CNOT2: variants seen among roughly 807,000 people sequenced by gnomAD.
CNOT2 encodes CC chemokine receptor 4-negative regulator of transcription 2.
In CNOT2, 7 loss-of-function variants were observed where a neutral mutation model predicts 72.1. The observed-to-expected ratio is 0.10, with a 90% CI of 0.06 to 0.18. The LOEUF is 0.18. Ranked by LOEUF, CNOT2 falls within the 10% of genes least tolerant of loss-of-function variation. The pLI is 1.00. For synonymous variants in CNOT2, 196 were observed against 225.6 expected, an observed-to-expected ratio of 0.87 and a Z score of 1.17; for missense variants, 345 against 660.3, an observed-to-expected ratio of 0.52 and a Z score of 5.23.
At chr12:70,277,923 G>A (rs1869128001) in intron 1 of CNOT2, among the ~76,000 whole-genome samples, 1 of 152,160 alleles carries the variant, frequency 6.6e-6, no homozygotes, top group Admixed American at 6.5e-5. Context: ...GAAAGTAGAA[G>A]TGGGTAGGAA....
At chr12:70,261,370 A>G (rs1958749205) in intron 1 of CNOT2, among the ~76,000 whole-genome samples, 1 of 118,006 alleles carries the variant, frequency 8.5e-6, no homozygotes, top group African/African-American at 3.3e-5. Context: ...GCTGGAGTGC[A>G]GTGGCATGAT....
intron 1 of CNOT2, among the ~76,000 whole-genome samples, chr12:70,253,317 T>G (rs1246172890): frequency 6.6e-6 from 1 of 152,190 alleles, no homozygotes; most frequent in Non-Finnish European, 1.5e-5. Flanking sequence ...TTTTCTTCCC[T>G]TAAGTGTATT....
chr12:70,261,824 T>C (rs953306382), intron 1 of CNOT2, among the ~76,000 whole-genome samples: 1 of 151,734 alleles, frequency 6.6e-6, no homozygotes, highest in African/African-American at 2.4e-5. Context: ...TGAAGCTGCC[T>C]GGGCCTGAGA....
chr12:70,259,347 A>T (rs1958627488), intron 1 of CNOT2, among the ~76,000 whole-genome samples: 1 of 151,906 alleles, frequency 6.6e-6, no homozygotes, highest in African/African-American at 2.4e-5. Context: ...AACTAATACC[A>T]TTCTTATTTT....
intron 1 of CNOT2, among the ~76,000 whole-genome samples, chr12:70,261,079 T>C (rs1958727736): frequency 6.6e-6 from 1 of 151,976 alleles, no homozygotes; most frequent in African/African-American, 2.4e-5. Context: ...TGAGTGCTTT[T>C]ATTATGAAGG....
At chr12:70,268,960 A>G (rs1229755471) in intron 1 of CNOT2, among the ~76,000 whole-genome samples, 1 of 152,206 alleles carries the variant, frequency 6.6e-6, no homozygotes. Flanking sequence ...ATGCTGCAAC[A>G]TATATTTTCA....
At chr12:70,320,750 C>T (rs1053496810) in intron 4 of CNOT2, among the ~76,000 whole-genome samples, 1 of 151,604 alleles carries the variant, frequency 6.6e-6, no homozygotes, top group Non-Finnish European at 1.5e-5. Flanking sequence ...GGAAGACCAC[C>T]GTTTATCACA....
At chr12:70,283,470 T>TAGAC (rs1225256599) in intron 2 of CNOT2, among the ~76,000 whole-genome samples, 1 of 125,028 alleles carries the variant, frequency 8.0e-6, no homozygotes, top group African/African-American at 3.3e-5. Context: ...AGTCGATTGA[T>TAGAC]AGATAGATAG....
chr12:70,319,174 T>C (rs1300133493), intron 3 of CNOT2, 124 bp from the exon 4 acceptor site: 1 of 737,782 alleles, frequency 1.4e-6, no homozygotes, highest in East Asian at 2.8e-5. Flanking sequence ...TGTTTTATGT[T>C]TTTCTGAAGA....
intron 1 of CNOT2, among the ~76,000 whole-genome samples, chr12:70,248,227 T>G (rs1233216459): frequency 6.6e-6 from 1 of 152,166 alleles, no homozygotes; most frequent in East Asian, 1.9e-4. Context: ...TTTCTCACCT[T>G]TTTCCTCCTA....
rs117025314 is a variant in CNOT2 at position 70,293,811 on chromosome 12, G to A, written c.48+15537G>A. ...AAGAGAGTGTACAAGGAGTGGATAG[G>A]CACAAAGTATTTGAACACACTGTCT... On this transcript the variant is annotated intron_variant, in intron 2 of 15. Transcript: ENST00000229195. Among the ~76,000 whole-genome samples the A allele has an allele frequency of 2.8e-4, 42 of 151,896 alleles. No homozygotes were observed. The East Asian group carries it at 7.9e-3, about 29-fold the overall frequency.
At chr12:70,339,567 G>A (rs1354757785) in intron 11 of CNOT2, among the ~76,000 whole-genome samples, 1 of 152,060 alleles carries the variant, frequency 6.6e-6, no homozygotes, top group East Asian at 1.9e-4. Flanking sequence ...CTGTGCTACT[G>A]AGCTCTGCTA....
chr12:70,294,317 C>T (rs1038288658), intron 2 of CNOT2: 55 of 1,286,834 alleles, frequency 4.3e-5, no homozygotes, highest in African/African-American at 1.2e-4. Context: ...TGGGGAAAGC[C>T]GGGGGAAAAA....
At chr12:70,255,242 A>G (rs1279564996) in intron 1 of CNOT2, among the ~76,000 whole-genome samples, 1 of 152,038 alleles carries the variant, frequency 6.6e-6, no homozygotes, top group African/African-American at 2.4e-5. Flanking sequence ...CCATTTTTGT[A>G]ACTGTATTTG....
rs574586147 is a variant in CNOT2 at position 70,335,610 on chromosome 12, G to A, written c.775+47G>A. ...GGCCAGTAGAAAGTTTCCATTGTATGTGCACACACATATACATTTACATGT... is the reference window on the plus strand; with the variant it reads ...GGCCAGTAGAAAGTTTCCATTGTATATGCACACACATATACATTTACATGT... On this transcript the variant is annotated intron_variant, in intron 8 of 15. Coordinates refer to ENST00000229195, the MANE Select transcript of CNOT2 (RefSeq NM_014515.7). 6.6e-5 allele frequency: 96 copies of A among 1,454,098 alleles called. 3 individuals are homozygous for A. In the Admixed American group the frequency reaches 1.5e-3, roughly 23 times the overall value. The allele number at this position is 1,454,098 out of a possible 1,614,324, so 90.1% of individuals were successfully genotyped here. A position where few individuals can be genotyped will look rare whatever the true frequency, so the allele number is the denominator to read the frequency against.
rs1870292015 is a variant in CNOT2, at chr12:70,283,643, A to G, written c.48+5369A>G. Among the ~76,000 whole-genome samples the G allele has an allele frequency of 4.0e-5, 5 of 124,396 alleles. 1 individual carries two copies. In the South Asian group the frequency reaches 1.4e-3, roughly 34 times the overall value. The allele number at this position is 124,396 out of a possible 152,430, so 81.6% of individuals were successfully genotyped here. On this transcript the variant is annotated intron_variant, in intron 2 of 15. Transcript: ENST00000229195. ...ATAAGAGCGACCTAATGAAAGAATG[A>G]GTTTAAAAAAAAAAAAAAAAAAAAG...
intron 6 of CNOT2, among the ~76,000 whole-genome samples, chr12:70,331,892 T>C (rs1375599480): frequency 6.6e-6 from 1 of 151,858 alleles, no homozygotes; most frequent in Non-Finnish European, 1.5e-5. Context: ...TAAAGACATG[T>C]GGTTTCACTA....
intron 1 of CNOT2, among the ~76,000 whole-genome samples, chr12:70,248,910 A>G (rs886665350): frequency 7.2e-5 from 11 of 152,102 alleles, no homozygotes; most frequent in African/African-American, 2.7e-4. Context: ...ACATTTAGTA[A>G]GTTTTTACTA....
At chr12:70,310,524 C>G (rs1876263590) in intron 2 of CNOT2, among the ~76,000 whole-genome samples, 1 of 151,892 alleles carries the variant, frequency 6.6e-6, no homozygotes, top group Admixed American at 6.6e-5. Flanking sequence ...ATGACAGATA[C>G]ACAAATGTGG....
Sources: allele counts gnomAD v4.1 joint callset (sites outside exome capture counted in the v4.1 genomes callset), GRCh38; gene constraint gnomAD v4.1.1; transcripts MANE v1.5; gene names NCBI Gene and HGNC (gene_info 2026-07-23, HGNC 2026-07-21).